SWAP70: variants seen among roughly 807,000 people sequenced by gnomAD.
SWAP70 encodes switching B cell complex subunit SWAP70.
Under a neutral mutation model 80.2 loss-of-function variants are expected in SWAP70, and 34 were observed. The ratio of observed to expected loss-of-function variants is 0.42; its 90% CI spans 0.32 to 0.56. The LOEUF is 0.56. Among genes scored for constraint, SWAP70 ranks in the 20% least tolerant of loss-of-function variants. The pLI, the probability that SWAP70 is intolerant of heterozygous loss-of-function variation, is 0.09. For synonymous variants in SWAP70, 239 were observed against 238.5 expected (o/e 1.00, Z -0.02); for missense variants, 578 against 690.7 (o/e 0.84, Z 1.83).
At chr11:9,743,760 T>A (rs927554630) in intron 9 of SWAP70, among the ~76,000 whole-genome samples, 1 of 152,178 alleles carries the variant, frequency 6.6e-6, no homozygotes, top group Admixed American at 6.5e-5. Flanking sequence ...TCTTTTTTTC[T>A]TGTAAATTTG....
chr11:9,700,896 G>A (rs1212966618), intron 2 of SWAP70, among the ~76,000 whole-genome samples: 4 of 152,016 alleles, frequency 2.6e-5, no homozygotes, highest in South Asian at 2.1e-4. Context: ...CTTAATTAGT[G>A]TATGGTGTTC....
At chr11:9,677,016 C>T (rs140025227) in intron 1 of SWAP70, among the ~76,000 whole-genome samples, 5 of 150,816 alleles carry the variant, frequency 3.3e-5, no homozygotes, top group South Asian at 4.2e-4. Flanking sequence ...GATGCAGAAC[C>T]GAGGGATACG....
chr11:9,739,776 GA>G (rs1851411607), intron 8 of SWAP70, among the ~76,000 whole-genome samples: 1 of 152,172 alleles, frequency 6.6e-6, no homozygotes, highest in South Asian at 2.1e-4. Context: ...AGAAGACTGG[GA>G]AAAGGTTCGT....
chr11:9,725,611 CACCA>C (rs1293610987), intron 4 of SWAP70, among the ~76,000 whole-genome samples: 1 of 134,610 alleles, frequency 7.4e-6, no homozygotes, highest in Non-Finnish European at 1.5e-5. Context: ...TTCACGCTGT[CACCA>C]GGCTGGAGTG....
intron 2 of SWAP70, among the ~76,000 whole-genome samples, chr11:9,704,137 G>GT (rs542046122): frequency 7.4e-4 from 113 of 152,180 alleles, no homozygotes; most frequent in African/African-American, 2.3e-3. Context: ...GAATTTCCCA[G>GT]TATGTTCTAT....
At chr11:9,683,469 C>A (rs1400190311) in intron 1 of SWAP70, among the ~76,000 whole-genome samples, 1 of 151,936 alleles carries the variant, frequency 6.6e-6, no homozygotes, top group Non-Finnish European at 1.5e-5. Flanking sequence ...TGTCAGGGAC[C>A]AAAAACGTCT....
chr11:9,736,114 T>G (rs917023741), intron 7 of SWAP70, among the ~76,000 whole-genome samples: 1 of 152,186 alleles, frequency 6.6e-6, no homozygotes, highest in African/African-American at 2.4e-5. Context: ...ATTTTTCTTG[T>G]AGCCCAAATA....
chr11:9,720,378 G>A, intron 3 of SWAP70: 1 of 985,424 alleles, frequency 1.0e-6, no homozygotes, highest in Admixed American at 6.1e-5. Context: ...TACTTCTAGA[G>A]CTGAGTTTGC....
chr11:9,671,743 GAAATAT>G (rs1565109844), intron 1 of SWAP70, among the ~76,000 whole-genome samples: 1,034 of 52,952 alleles, frequency 0.02, 7 homozygotes, highest in African/African-American at 0.032. Context: ...TGTATACATA[GAAATAT>G]AAATATATAA....
At chr11:9,683,751 C>G (rs1025071283) in intron 1 of SWAP70, among the ~76,000 whole-genome samples, 2 of 152,212 alleles carry the variant, frequency 1.3e-5, no homozygotes, top group African/African-American at 4.8e-5. Flanking sequence ...CCTACCACCC[C>G]GCTCTGTCAC....
chr11:9,735,326 A>G (rs1384074788), intron 7 of SWAP70, among the ~76,000 whole-genome samples: 3 of 152,256 alleles, frequency 2.0e-5, no homozygotes, highest in African/African-American at 7.2e-5. Context: ...TCATATCAGT[A>G]TAAAGAGAGT....
chr11:9,672,949 C>G (rs1244964297), intron 1 of SWAP70, among the ~76,000 whole-genome samples: 1 of 152,028 alleles, frequency 6.6e-6, no homozygotes, highest in Non-Finnish European at 1.5e-5. Flanking sequence ...GTTTTTTTCT[C>G]TGCTCTCACA....
At chr11:9,672,311 C>G (rs1421503653) in intron 1 of SWAP70, among the ~76,000 whole-genome samples, 1 of 143,236 alleles carries the variant, frequency 7.0e-6, no homozygotes, top group Non-Finnish European at 1.5e-5. Context: ...TTATGAAAAG[C>G]TTGGAATATT....
intron 1 of SWAP70, among the ~76,000 whole-genome samples, chr11:9,673,280 A>G (rs1394354479): frequency 1.3e-5 from 2 of 152,214 alleles, no homozygotes; most frequent in African/African-American, 4.8e-5. Context: ...AGTGGCTCAC[A>G]GAACTTAGGG....
At chr11:9,737,073 C>G (rs892538832) in intron 7 of SWAP70, among the ~76,000 whole-genome samples, 4 of 152,218 alleles carry the variant, frequency 2.6e-5, no homozygotes. Context: ...ACACTTTTAG[C>G]TGGTCCGTGT....
intron 9 of SWAP70, among the ~76,000 whole-genome samples, chr11:9,744,948 C>T (rs1851492744): frequency 6.6e-6 from 1 of 152,050 alleles, no homozygotes; most frequent in African/African-American, 2.4e-5. Context: ...GAGGCTGAGC[C>T]ATAATCTGTC....
At chr11:9,720,170 A>G in intron 3 of SWAP70, 3 of 985,378 alleles carry the variant, frequency 3.0e-6, no homozygotes, top group South Asian at 4.7e-5. Flanking sequence ...TTGGCCCAAT[A>G]TAATGAATCA....
intron 1 of SWAP70, among the ~76,000 whole-genome samples, chr11:9,680,735 T>C (rs1850557220): frequency 6.6e-6 from 1 of 152,174 alleles, no homozygotes; most frequent in South Asian, 2.1e-4. Context: ...ATTACAATAT[T>C]TTGGATATAG....
At chr11:9,691,656 C>T (rs1411048430) in intron 1 of SWAP70, among the ~76,000 whole-genome samples, 1 of 152,204 alleles carries the variant, frequency 6.6e-6, no homozygotes, top group Admixed American at 6.5e-5. Flanking sequence ...CTGGAGAGTG[C>T]TGGACCAGAG....
Sources: allele counts gnomAD v4.1 joint callset (sites outside exome capture counted in the v4.1 genomes callset), GRCh38; gene constraint gnomAD v4.1.1; transcripts MANE v1.5; gene names NCBI Gene and HGNC (gene_info 2026-07-23, HGNC 2026-07-21).